Variants in JPH3 observed in about 807,000 individuals in gnomAD.
The protein encoded by JPH3 is junctophilin-3.
JPH3 carries 11 observed loss-of-function variants against 59.6 expected under a neutral mutation model. That is an observed-to-expected ratio of 0.18 (90% CI 0.12 to 0.31). The LOEUF is 0.31. Among genes scored for constraint, JPH3 ranks in the 10% least tolerant of loss-of-function variants. The pLI, the probability that JPH3 is intolerant of heterozygous loss-of-function variation, is 1.00. For missense variants in JPH3, 1,202 were observed against 1,105.7 expected (o/e 1.09, Z -1.24); for synonymous variants, 673 against 483.6 (o/e 1.39, Z -5.14).
At position 87,633,857 on chromosome 16, in the gene JPH3, A is replaced by G. The variant is rs536237526; in HGVS notation, c.383-10401A>G. Among the ~76,000 whole-genome samples, 12 of 152,214 alleles carry G rather than the reference A, an allele frequency of 7.9e-5. No individual in the cohort carries two copies. In the South Asian group the frequency reaches 2.5e-3, roughly 32 times the overall value. On this transcript the variant is annotated intron_variant, in intron 1 of 4. Transcript: ENST00000284262. ...ATGTAGGGGACATGGTCTCTCTTAT[A>G]GTCTTTTCTGAGGGTAATTTCTGAA... is the stretch of plus-strand genomic sequence containing the variant.
chr16:87,636,305 G>A (rs941920549), intron 1 of JPH3, among the ~76,000 whole-genome samples: 18 of 152,210 alleles, frequency 1.2e-4, no homozygotes, highest in African/African-American at 3.4e-4. Flanking sequence ...GCGGTTGGCC[G>A]CCAAGCACTA....
intron 2 of JPH3, among the ~76,000 whole-genome samples, chr16:87,682,364 C>T (rs1261277424): frequency 6.6e-6 from 1 of 152,112 alleles, no homozygotes; most frequent in African/African-American, 2.4e-5. Context: ...GGTCAGGCTG[C>T]GTAGAAGGTG....
intron 2 of JPH3, among the ~76,000 whole-genome samples, chr16:87,650,550 G>A (rs969855202): frequency 6.6e-5 from 10 of 152,208 alleles, no homozygotes; most frequent in Non-Finnish European, 4.4e-5. Context: ...GTCAAAAGCC[G>A]AGACAGGCCT....
intron 1 of JPH3, among the ~76,000 whole-genome samples, chr16:87,625,521 G>A (rs2031340804): frequency 6.6e-6 from 1 of 152,212 alleles, no homozygotes; most frequent in African/African-American, 2.4e-5. Context: ...AGCAGGAGGA[G>A]CAGGGCCAGC....
At chr16:87,625,568 C>T (rs1006850995) in intron 1 of JPH3, among the ~76,000 whole-genome samples, 2 of 152,060 alleles carry the variant, frequency 1.3e-5, no homozygotes, top group Admixed American at 6.5e-5. Flanking sequence ...AAGGAAGTGG[C>T]GAGGAGGAGG....
chr16:87,682,150 T>C (rs927357756), intron 2 of JPH3, among the ~76,000 whole-genome samples: 3 of 152,242 alleles, frequency 2.0e-5, no homozygotes, highest in Non-Finnish European at 4.4e-5. Context: ...TCCCAGCAGC[T>C]TGCTTCATTT....
chr16:87,620,859 C>A (rs75785332), intron 1 of JPH3, among the ~76,000 whole-genome samples: 16 of 152,160 alleles, frequency 1.1e-4, no homozygotes, highest in African/African-American at 2.4e-5. Context: ...TAGGAGCATT[C>A]GAAAGAAACT....
chr16:87,691,333 G>A (rs1023812259), intron 4 of JPH3, among the ~76,000 whole-genome samples: 1 of 152,204 alleles, frequency 6.6e-6, no homozygotes, highest in African/African-American at 2.4e-5. Flanking sequence ...TGGGACGGTG[G>A]CTACATAGGA....
chr16:87,669,914 C>T (rs1054995931), intron 2 of JPH3, among the ~76,000 whole-genome samples: 1 of 152,110 alleles, frequency 6.6e-6, no homozygotes, highest in Non-Finnish European at 1.5e-5. Context: ...GAGGGCCGGA[C>T]TGCACATGGG....
At chr16:87,659,994 G>A (rs911619121) in intron 2 of JPH3, among the ~76,000 whole-genome samples, 8 of 152,180 alleles carry the variant, frequency 5.3e-5, no homozygotes, top group Non-Finnish European at 7.3e-5. Context: ...CTGTGAAGGG[G>A]ATTCCTTTCC....
At chr16:87,616,373 A>G (rs2030970183) in intron 1 of JPH3, among the ~76,000 whole-genome samples, 1 of 150,030 alleles carries the variant, frequency 6.7e-6, no homozygotes, top group Non-Finnish European at 1.5e-5. Context: ...AGCTGGGACT[A>G]CAGGCGCCCG....
At chr16:87,662,074 T>G (rs1184113719) in intron 2 of JPH3, among the ~76,000 whole-genome samples, 1 of 152,232 alleles carries the variant, frequency 6.6e-6, no homozygotes, top group Non-Finnish European at 1.5e-5. Flanking sequence ...TGGTTTCCCT[T>G]GTAACCCCTC....
intron 4 of JPH3, among the ~76,000 whole-genome samples, chr16:87,692,842 C>T (rs562470845): frequency 2.6e-5 from 4 of 152,352 alleles, no homozygotes; most frequent in African/African-American, 4.8e-5. Context: ...CCACAGCGTC[C>T]GTACCTGCTT....
intron 1 of JPH3, among the ~76,000 whole-genome samples, chr16:87,616,390 C>G (rs918887946): frequency 6.7e-6 from 1 of 150,100 alleles, no homozygotes; most frequent in African/African-American, 2.5e-5. Flanking sequence ...CCCGCCACCA[C>G]GCCTGGTTAA....
chr16:87,624,102 A>T (rs1375042986), intron 1 of JPH3, among the ~76,000 whole-genome samples: 1 of 152,218 alleles, frequency 6.6e-6, no homozygotes, highest in East Asian at 1.9e-4. Context: ...GGTCCCCCTC[A>T]TTCCCTGATT....
intron 2 of JPH3, among the ~76,000 whole-genome samples, chr16:87,658,241 A>C (rs181951436): frequency 0.013 from 2,040 of 152,270 alleles, 45 homozygotes; most frequent in African/African-American, 0.046. Flanking sequence ...CAAACAGTGC[A>C]CGGCATTTGC....
At chr16:87,634,397 C>T (rs1323469404) in intron 1 of JPH3, among the ~76,000 whole-genome samples, 2 of 152,164 alleles carry the variant, frequency 1.3e-5, no homozygotes, top group African/African-American at 4.8e-5. Flanking sequence ...GGTGTCAGAG[C>T]CGGGAATGGG....
At position 87,671,682 on chromosome 16, in the gene JPH3, A is replaced by T. The variant is rs955007011; in HGVS notation, c.1161-12460A>T. On this transcript the variant is annotated intron_variant, in intron 2 of 4. Transcript: ENST00000284262. ...GGCTCAGCCCTGCACCCGGGCTCCC[A>T]GTGCTGGGGTCCCCCACCCCTTGGT... 3.3e-5 allele frequency among the ~76,000 whole-genome samples: 5 copies of T among 151,884 alleles called. No homozygotes were observed. The East Asian group carries it at 9.7e-4, about 30-fold the overall frequency.
intron 3 of JPH3, chr16:87,684,520 T>G (rs930740842): frequency 1.2e-5 from 6 of 491,262 alleles, no homozygotes; most frequent in African/African-American, 1.2e-4. Flanking sequence ...CACCGCGTGT[T>G]GCTTGCCGGC....
Sources: gnomAD v4.1 joint callset for allele counts (sites outside exome capture counted in the v4.1 genomes callset) on GRCh38, gnomAD v4.1.1 for gene constraint, MANE v1.5 for transcripts, NCBI Gene and HGNC (gene_info 2026-07-23, HGNC 2026-07-21) for gene names.